ERBB4: variants seen among roughly 807,000 people sequenced by gnomAD.
ERBB4 encodes the protein erb-b2 receptor tyrosine kinase 4.
Under a neutral mutation model 158.0 loss-of-function variants are expected in ERBB4, and 42 were observed. The observed-to-expected ratio is 0.27, with a 90% CI of 0.21 to 0.34. The LOEUF (loss-of-function observed/expected upper bound fraction) is 0.34. Ranked by LOEUF, ERBB4 falls within the 10% of genes least tolerant of loss-of-function variation. The pLI is 1.00. For synonymous variants in ERBB4, 583 were observed against 558.7 expected (o/e 1.04, Z -0.61); for missense variants, 1,333 against 1,624.1 (o/e 0.82, Z 3.08).
chr2:211,979,237 C>T (rs1264839587), intron 2 of ERBB4, among the ~76,000 whole-genome samples: 1 of 152,134 alleles, frequency 6.6e-6, no homozygotes, highest in Admixed American at 6.5e-5. Flanking sequence ...GTTATACATT[C>T]AAGACAGATT....
At chr2:211,958,392 G>A (rs1057468476) in intron 2 of ERBB4, among the ~76,000 whole-genome samples, 5 of 152,036 alleles carry the variant, frequency 3.3e-5, no homozygotes, top group African/African-American at 1.2e-4. Context: ...CCTTATGCAA[G>A]TCACAACTTT....
chr2:212,535,973 C>T (rs1693033812), intron 1 of ERBB4, among the ~76,000 whole-genome samples: 1 of 152,192 alleles, frequency 6.6e-6, no homozygotes, highest in Non-Finnish European at 1.5e-5. Context: ...GAACTCCAAG[C>T]GTGTCTAATA....
chr2:212,117,188 T>C (rs1323269346), intron 2 of ERBB4, among the ~76,000 whole-genome samples: 1 of 152,206 alleles, frequency 6.6e-6, no homozygotes, highest in African/African-American at 2.4e-5. Flanking sequence ...GTGTCCTTTT[T>C]AGCATTCTTT....
chr2:211,506,809 A>C (rs2065762755), intron 20 of ERBB4, among the ~76,000 whole-genome samples: 1 of 152,054 alleles, frequency 6.6e-6, no homozygotes, highest in African/African-American at 2.4e-5. Flanking sequence ...AGACAGAAAA[A>C]TCTCAAATAT....
chr2:212,488,422 T>C (rs922525488), intron 1 of ERBB4, among the ~76,000 whole-genome samples: 2 of 152,018 alleles, frequency 1.3e-5, no homozygotes, highest in Non-Finnish European at 2.9e-5. Flanking sequence ...CTATAGTCTG[T>C]CATCCATATT....
chr2:212,103,934 G>A (rs528886544), intron 2 of ERBB4, among the ~76,000 whole-genome samples: 58 of 152,156 alleles, frequency 3.8e-4, no homozygotes, highest in African/African-American at 1.3e-3. Flanking sequence ...ATGCAAAACA[G>A]AACTGGATAA....
intron 1 of ERBB4, among the ~76,000 whole-genome samples, chr2:212,461,033 A>C (rs1475227452): frequency 6.6e-6 from 1 of 152,160 alleles, no homozygotes; most frequent in Non-Finnish European, 1.5e-5. Context: ...AGATGTATGG[A>C]AACTCCTGGA....
intron 1 of ERBB4, among the ~76,000 whole-genome samples, chr2:212,281,386 C>G (rs915269326): frequency 4.0e-5 from 6 of 151,734 alleles, no homozygotes; most frequent in African/African-American, 1.4e-4. Flanking sequence ...TAAAATCCTA[C>G]AAGACTAAGA....
chr2:211,421,890 G>T, intron 24 of ERBB4, 117 bp downstream of exon 24: 2 of 729,560 alleles, frequency 2.7e-6, no homozygotes. Flanking sequence ...TGATAATTCT[G>T]CTTAATTAAT....
intron 1 of ERBB4, among the ~76,000 whole-genome samples, chr2:212,465,912 A>G (rs762676976): frequency 3.3e-5 from 5 of 152,208 alleles, no homozygotes; most frequent in Non-Finnish European, 7.3e-5. Flanking sequence ...TCTATTTGAA[A>G]TTCTATTTAA....
intron 19 of ERBB4, among the ~76,000 whole-genome samples, chr2:211,614,089 TA>T (rs199707290): frequency 0.012 from 1,820 of 151,978 alleles, 48 homozygotes; most frequent in African/African-American, 0.042. Flanking sequence ...TATTCAGCCG[TA>T]AAAAAAGAAT....
intron 20 of ERBB4, among the ~76,000 whole-genome samples, chr2:211,485,833 G>A (rs2065190782): frequency 6.6e-6 from 1 of 150,882 alleles, no homozygotes; most frequent in African/African-American, 2.5e-5. Flanking sequence ...TTGTGCACAT[G>A]TATCCTAAAA....
intron 1 of ERBB4, among the ~76,000 whole-genome samples, chr2:212,510,232 T>TATAA (rs1442208413): frequency 2.1e-5 from 3 of 144,516 alleles, no homozygotes; most frequent in Non-Finnish European, 4.6e-5. Context: ...TATATATATA[T>TATAA]AACTACTCCC....
At chr2:212,226,395 G>A (rs1389474236) in intron 1 of ERBB4, among the ~76,000 whole-genome samples, 1 of 122,368 alleles carries the variant, frequency 8.2e-6, no homozygotes, top group Non-Finnish European at 1.8e-5. Flanking sequence ...CATGGGAATT[G>A]ACATAGTAAA....
At chr2:211,943,446 C>G (rs1461191900) in intron 3 of ERBB4, among the ~76,000 whole-genome samples, 2 of 152,070 alleles carry the variant, frequency 1.3e-5, no homozygotes, top group African/African-American at 4.8e-5. Context: ...GTCCCCTGTC[C>G]AGCTATGGAC....
chr2:211,505,281 G>C (rs183448925), intron 20 of ERBB4, among the ~76,000 whole-genome samples: 3 of 151,190 alleles, frequency 2.0e-5, no homozygotes, highest in Non-Finnish European at 4.4e-5. Flanking sequence ...AGCCAGAAGA[G>C]ACTGTGGAAC....
chr2:212,205,739 T>G (rs1031732882), intron 1 of ERBB4, among the ~76,000 whole-genome samples: 1 of 152,140 alleles, frequency 6.6e-6, no homozygotes, highest in Admixed American at 6.5e-5. Flanking sequence ...AAATAAGTAG[T>G]CAGATACTTA....
At chr2:212,268,281 A>G (rs896895026) in intron 1 of ERBB4, among the ~76,000 whole-genome samples, 2 of 151,880 alleles carry the variant, frequency 1.3e-5, no homozygotes, top group African/African-American at 2.4e-5. Context: ...TGATTTAATG[A>G]GATAGAAATG....
intron 4 of ERBB4, among the ~76,000 whole-genome samples, chr2:211,763,897 T>TACACACACACACACACGC (rs1553627646): frequency 2.7e-5 from 4 of 149,968 alleles, no homozygotes; most frequent in African/African-American, 9.9e-5. Flanking sequence ...TGCGTGTGTA[T>TACACACACACACACACGC]ACACACACAC....
Sources: gnomAD v4.1 joint callset for allele counts (sites outside exome capture counted in the v4.1 genomes callset) on GRCh38, gnomAD v4.1.1 for gene constraint, MANE v1.5 for transcripts, NCBI Gene and HGNC (gene_info 2026-07-23, HGNC 2026-07-21) for gene names.